LOC400499: variants seen among roughly 807,000 people sequenced by gnomAD.
At chr16:11,492,784 CA>C in the LOC400499 span, among the ~76,000 whole-genome samples, 56,389 of 140,146 alleles carry the variant, frequency 0.4, 11,780 homozygotes, top group African/African-American at 0.56. Context: ...GACTCCGTCT[CA>C]AAAAAAAAAA....
At chr16:11,386,286 C>T in the LOC400499 span, among the ~76,000 whole-genome samples, 2 of 152,130 alleles carry the variant, frequency 1.3e-5, no homozygotes, top group African/African-American at 2.4e-5. Flanking sequence ...CCAGGAAGCA[C>T]CATCTATGGT....
the LOC400499 span, among the ~76,000 whole-genome samples, chr16:11,416,243 C>T: frequency 5.9e-5 from 9 of 152,208 alleles, no homozygotes; most frequent in East Asian, 1.7e-3. Context: ...AGCCATTGCA[C>T]CCGGCCCCCA....
chr16:11,480,459 C>T, the LOC400499 span, among the ~76,000 whole-genome samples: 1 of 152,172 alleles, frequency 6.6e-6, no homozygotes, highest in African/African-American at 2.4e-5. Flanking sequence ...TGGTCACTAT[C>T]AGATGTACAT....
chr16:11,398,754 G>T, the LOC400499 span, among the ~76,000 whole-genome samples: 2 of 151,840 alleles, frequency 1.3e-5, no homozygotes, highest in African/African-American at 2.4e-5. Flanking sequence ...CTACCTCCCA[G>T]GTTCAAGCGA....
chr16:11,490,578 G>A, the LOC400499 span, among the ~76,000 whole-genome samples: 1 of 152,110 alleles, frequency 6.6e-6, no homozygotes, highest in Non-Finnish European at 1.5e-5. Flanking sequence ...GTGGCCACCT[G>A]TAGTCCTAGC....
chr16:11,414,829 C>T, the LOC400499 span, among the ~76,000 whole-genome samples: 2 of 152,206 alleles, frequency 1.3e-5, no homozygotes, highest in Non-Finnish European at 2.9e-5. Context: ...TCCTTGGCTG[C>T]CAGGCATCCT....
At chr16:11,403,437 GTGCA>G in the LOC400499 span, among the ~76,000 whole-genome samples, 1 of 152,026 alleles carries the variant, frequency 6.6e-6, no homozygotes, top group Non-Finnish European at 1.5e-5. Flanking sequence ...ATGCACACAC[GTGCA>G]TGTATACACA....
the LOC400499 span, chr16:11,402,122 C>T: frequency 1.0e-5 from 4 of 399,044 alleles, no homozygotes; most frequent in Middle Eastern, 6.3e-4. Context: ...GCTGCAGTGT[C>T]GCGGCAGGGG....
chr16:11,494,283 C>T, the LOC400499 span, among the ~76,000 whole-genome samples: 3 of 150,122 alleles, frequency 2.0e-5, no homozygotes, highest in East Asian at 2.0e-4. Context: ...GCCAGCCTGG[C>T]GCCTTCCTGG....
At chr16:11,392,478 G>T in the LOC400499 span, 6 of 398,986 alleles carry the variant, frequency 1.5e-5, no homozygotes, top group Admixed American at 4.4e-5. Context: ...CATGCCCGCA[G>T]CACCACACTC....
At chr16:11,458,743 A>T in the LOC400499 span, among the ~76,000 whole-genome samples, 116 of 152,264 alleles carry the variant, frequency 7.6e-4, 1 homozygote, top group East Asian at 0.02. Context: ...AATGGTTAAA[A>T]TAGTAAATAT....
the LOC400499 span, among the ~76,000 whole-genome samples, chr16:11,375,079 C>G: frequency 6.6e-6 from 1 of 151,656 alleles, no homozygotes; most frequent in Non-Finnish European, 1.5e-5. Context: ...AACTCCTGGC[C>G]TCAAGTGATT....
the LOC400499 span, chr16:11,450,582 A>G: frequency 3.9e-6 from 6 of 1,533,058 alleles, no homozygotes; most frequent in Non-Finnish European, 5.2e-6. Flanking sequence ...GGGACCAGAC[A>G]TATATCGGGG....
At chr16:11,408,300 C>T in the LOC400499 span, among the ~76,000 whole-genome samples, 1 of 152,048 alleles carries the variant, frequency 6.6e-6, no homozygotes, top group Non-Finnish European at 1.5e-5. Flanking sequence ...GTATTTTTAA[C>T]GCGCTCACTA....
At chr16:11,482,080 G>T in the LOC400499 span, among the ~76,000 whole-genome samples, 10 of 152,348 alleles carry the variant, frequency 6.6e-5, no homozygotes, top group Non-Finnish European at 1.0e-4. Flanking sequence ...GAGTAATGAA[G>T]ACTGGGTTTA....
chr16:11,410,364 G>A, the LOC400499 span, among the ~76,000 whole-genome samples: 4 of 152,232 alleles, frequency 2.6e-5, no homozygotes, highest in Admixed American at 2.0e-4. Flanking sequence ...TGGGGCAGGA[G>A]AATCGCTTGA....
the LOC400499 span, chr16:11,392,443 C>T: frequency 0.21 from 84,419 of 398,838 alleles, 9,219 homozygotes; most frequent in African/African-American, 0.26. Flanking sequence ...ACAGGACCTC[C>T]GCCTCGGCTG....
At chr16:11,441,461 G>A in the LOC400499 span, among the ~76,000 whole-genome samples, 10 of 152,320 alleles carry the variant, frequency 6.6e-5, no homozygotes, top group African/African-American at 2.4e-4. Flanking sequence ...GAAACCCCAA[G>A]GTCAAAGCTG....
chr16:11,374,907 G>A, the LOC400499 span, among the ~76,000 whole-genome samples: 2 of 152,142 alleles, frequency 1.3e-5, no homozygotes, highest in Admixed American at 1.3e-4. Flanking sequence ...GGAATGCGGT[G>A]GTGCGATCTT....
Sources: allele counts gnomAD v4.1 joint callset (sites outside exome capture counted in the v4.1 genomes callset), GRCh38; gene constraint gnomAD v4.1.1; transcripts MANE v1.5.